The following RHBDD3 variants were observed in gnomAD, a reference collection of about 807,000 sequenced individuals.
The protein encoded by RHBDD3 is rhomboid domain containing 3.
In RHBDD3, 34 loss-of-function variants were observed where a neutral mutation model predicts 32.3. That is an observed-to-expected ratio of 1.05 (90% confidence interval 0.80 to 1.40). The LOEUF is 1.40. Ranked by LOEUF, RHBDD3 falls within the 40% of genes most tolerant of loss-of-function variation. The pLI, the probability that RHBDD3 is intolerant of heterozygous loss-of-function variation, is 0.00. For synonymous variants in RHBDD3, 249 were observed against 239.1 expected (o/e 1.04, Z -0.38); for missense variants, 482 against 492.6 (o/e 0.98, Z 0.20).
intron 4 of RHBDD3, chr22:29,261,838 G>C (rs1207638637): frequency 1.9e-5 from 3 of 158,714 alleles, no homozygotes; most frequent in Non-Finnish European, 4.2e-5. Flanking sequence ...TGTATTCTTA[G>C]TACAGGGTTT....
upstream of RHBDD3, chr22:29,268,138 CG>C: frequency 1.5e-6 from 1 of 650,634 alleles, no homozygotes; most frequent in Admixed American, 2.5e-5. Flanking sequence ...TCACGTCGGG[CG>C]CTCTTTAGAG....
rs1408271477 is a variant in RHBDD3, at chr22:29,260,071, C to T, written c.1150G>A (p.Gly384Arg). ...ACTCTCTGCCTGGGCTAGGGAGGCC[C>T]AGGACCCTCGGAGTGGGCAGGCCCA... ...KGGPAHSEGPGPP is the reference protein window; with the variant it reads ...KGGPAHSEGPRPP Residue 384 changes from glycine (G) to arginine (R), a missense_variant, in exon 7 of 7, where the codon GGG becomes AGG. Transcript: ENST00000216085. 1.3e-6 allele frequency: 2 copies of T among 1,563,008 alleles called. No homozygotes were observed.
chr22:29,261,022 G>A, intron 4 of RHBDD3, 158 bp from the exon 5 acceptor site: 1 of 764,088 alleles, frequency 1.3e-6, no homozygotes, highest in East Asian at 2.7e-5. Context: ...CTGGTCAGCA[G>A]CAGAGGCTCA....
At chr22:29,261,521 G>T in intron 4 of RHBDD3, 1 of 359,088 alleles carries the variant, frequency 2.8e-6, no homozygotes, top group South Asian at 2.0e-5. Flanking sequence ...TTGAGCCCAG[G>T]AGTTTGAGGC....
intron 4 of RHBDD3, chr22:29,261,296 G>C (rs1025566685): frequency 3.8e-5 from 18 of 477,220 alleles, no homozygotes; most frequent in Non-Finnish European, 7.8e-5. Context: ...TTCCCCGATA[G>C]GTATGAATCA....
Position 29,260,096 on chromosome 22 carries a change from A to G in RHBDD3, c.1125T>C (p.Gly375=). Residue 375 remains glycine (G), a synonymous_variant, in exon 7 of 7, where the codon GGT becomes GGC. Coordinates refer to ENST00000216085, the MANE Select transcript of RHBDD3 (RefSeq NM_012265.3). ...GTETLVTHGK[G]GPAHSEGPGP... is the part of the protein sequence containing the mutation. ...CAGGACCCTCGGAGTGGGCAGGCCC[A>G]CCCTTTCCATGGGTCACCAGGGTCT... 1 of 1,578,132 alleles carries G rather than the reference A, an allele frequency of 6.3e-7. No individual in the cohort carries two copies. Among genetic ancestry groups the G allele is most frequent in the Non-Finnish European group, 8.6e-7 (1 of 1,162,350 alleles).
chr22:29,260,478 C>A lies in RHBDD3; in HGVS notation c.831G>T (p.Trp277Cys). ...WEGSSEAGLD[W>C]AGASFSPGTP... ...TCCCTGGGGAGAAGCTGGCCCCAGCCCAGTCCAGGCCTGCCTCTGAGGAGC... is the reference window on the plus strand; with the variant it reads ...TCCCTGGGGAGAAGCTGGCCCCAGCACAGTCCAGGCCTGCCTCTGAGGAGC... The change falls in exon 6 of 7, where the codon TGG (tryptophan) becomes TGT (cysteine). Residue 277 changes from tryptophan to cysteine, a missense_variant. By Grantham distance (215) the Trp-to-Cys change is radical. Coordinates refer to ENST00000216085, the MANE Select transcript of RHBDD3 (RefSeq NM_012265.3). The A allele has an allele frequency of 6.2e-7, 1 of 1,606,774 alleles. No homozygotes were observed.
In RHBDD3 at chr22:29,264,057, C is replaced by T; in HGVS notation, c.310G>A (p.Ala104Thr). 2.5e-6 allele frequency: 4 copies of T among 1,575,230 alleles called. No homozygotes were observed. The highest frequency in any genetic ancestry group is 2.6e-6 in the Non-Finnish European group (3 of 1,161,244). ...ALLALASGLL[A>T]VLLAGLGLSS... ...AGCCCAAGGCCTGCCAGCAGCACTGCCAGCAGCCCAGAAGCCAGGGCGAGC... is the reference window on the plus strand; with the variant it reads ...AGCCCAAGGCCTGCCAGCAGCACTGTCAGCAGCCCAGAAGCCAGGGCGAGC... Residue 104 changes from alanine (A) to threonine (T), a missense_variant, in exon 4 of 7, where the codon GCA (alanine) becomes ACA (threonine). Transcript: ENST00000216085.
chr22:29,265,337 CCTGT>C (rs1248250164), intron 3 of RHBDD3, 138 bp downstream of exon 3: 7 of 627,880 alleles, frequency 1.1e-5, no homozygotes, highest in Non-Finnish European at 1.8e-5. Context: ...TGGGCATGCT[CCTGT>C]CTAAGGCCAT....
At chr22:29,262,139 CTTTTTTTTTTTT>C (rs34614149) in intron 4 of RHBDD3, 3 of 90,224 alleles carry the variant, frequency 3.3e-5, no homozygotes, top group African/African-American at 1.3e-4. Context: ...TTTTGTACGG[CTTTTTTTTTTTT>C]TTTTTTTTGG....
rs775409446 is a variant in RHBDD3, at chr22:29,260,595, C to T, written c.714G>A (p.Pro238=). 2.2e-5 allele frequency: 35 copies of T among 1,595,890 alleles called. No homozygotes were observed. Among genetic ancestry groups the T allele is most frequent in the African/African-American group, 5.4e-5 (4 of 74,706 alleles). Residue 238 remains proline, a synonymous_variant, in exon 6 of 7, where the codon CCG becomes CCA. Transcript: ENST00000216085. The part of the protein sequence containing the change: ...PAGVRPPIPG[P]PYVASPDLWS... ...AGAGGTCAGGGGAGGCCACATAAGGCGGTCCAGGGATGGGAGGCCTGGAGG... is the reference window on the plus strand; with the variant it reads ...AGAGGTCAGGGGAGGCCACATAAGGTGGTCCAGGGATGGGAGGCCTGGAGG...
chr22:29,268,109 TG>T (rs530817201), upstream of RHBDD3: 786 of 614,540 alleles, frequency 1.3e-3, 2 homozygotes, highest in South Asian at 2.3e-3. Context: ...GCCCCTTAGA[TG>T]CTATTTTGGC....
Position 29,260,249 on chromosome 22 carries a change from G to T in RHBDD3, c.984-12C>A, listed in dbSNP as rs199633936. On this transcript the variant is annotated splice_polypyrimidine_tract_variant and intron_variant, in intron 6 of 6. Transcript: ENST00000216085. ...CCAGCTGCTGCAGCCTGTTGGGGGT[G>T]GGGGGAGAAGTGGGGAGTGTCAGGG... is the stretch of plus-strand genomic sequence containing the variant. 1.1e-5 allele frequency: 18 copies of T among 1,601,628 alleles called. No individual in the cohort carries two copies. Among genetic ancestry groups the T allele is most frequent in the East Asian group, 2.2e-5 (1 of 44,466 alleles).
In RHBDD3 at chr22:29,267,953, A is replaced by C; in HGVS notation, c.-400T>G. On this transcript the variant is annotated 5_prime_UTR_variant, in exon 1 of 7. Coordinates refer to ENST00000216085, the MANE Select transcript of RHBDD3 (RefSeq NM_012265.3). The stretch of plus-strand genomic sequence containing the variant: ...TGTTCTAGTCCGGGTCCCTTCCCCC[A>C]GCCCTCCCGCCGATCTCCGTCTCCC... The C allele has an allele frequency of 3.2e-6, 1 of 314,370 alleles. No homozygotes were observed. The highest frequency in any genetic ancestry group is 6.1e-6 in the Non-Finnish European group (1 of 164,242). 19.5% of individuals were successfully genotyped at this position (314,370 alleles called of 1,614,324 possible). A position where few individuals can be genotyped will look rare whatever the true frequency, so the allele number is the denominator to read the frequency against.
At position 29,267,583 on chromosome 22, in the gene RHBDD3, G is replaced by A. The variant is rs1485141386; in HGVS notation, c.-194-6C>T. 6.5e-6 allele frequency: 1 copy of A among 152,952 alleles called. No homozygotes were observed. The highest frequency in any genetic ancestry group is 1.5e-5 in the Non-Finnish European group (1 of 68,250). 9.5% of individuals were successfully genotyped at this position (152,952 alleles called of 1,614,324 possible). On this transcript the variant is annotated splice_region_variant and splice_polypyrimidine_tract_variant and intron_variant, in intron 1 of 6. Coordinates refer to ENST00000216085, the MANE Select transcript of RHBDD3 (RefSeq NM_012265.3). ...TTGGGCCTCAGTTTCCCCTTCTGTA[G>A]AAACAAGGATATCGGATGAGGGATG...
At chr22:29,261,170 C>A in intron 4 of RHBDD3, 1 of 566,736 alleles carries the variant, frequency 1.8e-6, no homozygotes, top group Non-Finnish European at 3.3e-6. Context: ...TCAAGACCCA[C>A]CCGTCCTGGA....
chr22:29,260,280 C>A, intron 6 of RHBDD3, 43 bp from the exon 7 acceptor site: 1 of 1,606,036 alleles, frequency 6.2e-7, no homozygotes, highest in Non-Finnish European at 8.5e-7. Context: ...CAGGGCCACC[C>A]CGGCCCCTAT....
rs374198036 is a variant in RHBDD3, at chr22:29,264,151, G to C, written c.216C>G (p.Leu72=). The change falls in exon 4 of 7, where the codon CTC becomes CTG. Residue 72 remains leucine (L), a synonymous_variant. Transcript: ENST00000216085. ...ALPGLLLSLL[L]LPTVGWQQEC... ...CCTGCTGCCAGCCCACAGTGGGCAG[G>C]AGCAGCAGGCTCAGGAGCAGGCCTG... The C allele has an allele frequency of 8.3e-5, 131 of 1,586,754 alleles. No homozygotes were observed. The African/African-American group carries it at 1.6e-3, about 19-fold the overall frequency.
intron 3 of RHBDD3, chr22:29,264,689 G>A (rs539559825): frequency 4.3e-4 from 84 of 196,980 alleles, no homozygotes; most frequent in Middle Eastern, 2.5e-3. Flanking sequence ...TTGGGAAACA[G>A]GTGCTCAGCT....
Sources: allele counts gnomAD v4.1 joint callset, GRCh38; gene constraint gnomAD v4.1.1; transcripts MANE v1.5; gene names NCBI Gene and HGNC (gene_info 2026-07-23, HGNC 2026-07-21).